PBX4: variants seen among roughly 807,000 people sequenced by gnomAD.
PBX4 encodes PBX homeobox 4, also known as pre-B-cell leukemia transcription factor 4.
A neutral mutation model predicts 35.1 loss-of-function variants in PBX4; 26 were observed. That is an observed-to-expected ratio of 0.74 (90% confidence interval 0.54 to 1.03). The LOEUF is 1.03. Among genes scored for constraint, PBX4 ranks in the 50% least tolerant of loss-of-function variants. The pLI is 0.00. For synonymous variants in PBX4, 199 were observed against 204.2 expected (o/e 0.97, Z 0.22); for missense variants, 448 against 504.3 (o/e 0.89, Z 1.07).
chr19:19,572,786 G>A (rs901009618), intron 2 of PBX4, among the ~76,000 whole-genome samples: 8 of 150,610 alleles, frequency 5.3e-5, no homozygotes, highest in East Asian at 2.0e-4. Flanking sequence ...CCCGGGAGAC[G>A]GAGGTTGCAG....
intron 5 of PBX4, among the ~76,000 whole-genome samples, chr19:19,569,183 G>C (rs9304962): frequency 0.7 from 105,792 of 152,014 alleles, 36,986 homozygotes; most frequent in East Asian, 0.78. Context: ...CTCAGCATCC[G>C]AAGGAGCTGA....
At position 19,589,541 on chromosome 19, in the gene PBX4, G is replaced by A. The variant is rs560448738; in HGVS notation, c.193+9751C>T. The stretch of plus-strand genomic sequence containing the variant: ...TCCCAGCACTTTGGGAGGCCGAGGC[G>A]GGTGGATTACCTGAGGTCAGGAGTT... On this transcript the variant is annotated intron_variant, in intron 2 of 7. Coordinates refer to ENST00000251203, the MANE Select transcript of PBX4 (RefSeq NM_025245.3). 2.6e-5 allele frequency among the ~76,000 whole-genome samples: 4 copies of A among 152,154 alleles called. No homozygotes were observed. The East Asian group carries it at 7.7e-4, about 29-fold the overall frequency.
chr19:19,584,628 T>G (rs1163633913), intron 2 of PBX4, among the ~76,000 whole-genome samples: 7 of 149,980 alleles, frequency 4.7e-5, no homozygotes, highest in Non-Finnish European at 1.0e-4. Flanking sequence ...GGCTGGTTTT[T>G]TTTTTTTTTT....
intron 6 of PBX4, among the ~76,000 whole-genome samples, chr19:19,564,347 AT>A (rs774020875): frequency 6.9e-4 from 105 of 151,678 alleles, no homozygotes; most frequent in Non-Finnish European, 1.4e-3. Flanking sequence ...GCTGCATAGT[AT>A]TCCATGGTGT....
intron 2 of PBX4, among the ~76,000 whole-genome samples, chr19:19,576,432 G>A (rs1034927295): frequency 6.6e-6 from 1 of 151,924 alleles, no homozygotes; most frequent in Non-Finnish European, 1.5e-5. Flanking sequence ...CACCATGTTG[G>A]CCAGGATGAT....
chr19:19,585,033 C>A (rs1270133331), intron 2 of PBX4, among the ~76,000 whole-genome samples: 1 of 152,032 alleles, frequency 6.6e-6, no homozygotes, highest in Non-Finnish European at 1.5e-5. Flanking sequence ...AACTGCCTGG[C>A]TTTACCTTTT....
At position 19,562,461 on chromosome 19, in the gene PBX4, C is replaced by T. The variant is rs546504461; in HGVS notation, c.1033-344G>A. Among the ~76,000 whole-genome samples, 8 of 152,066 alleles carry T rather than the reference C, an allele frequency of 5.3e-5. No homozygotes were observed. The highest frequency in any genetic ancestry group is 7.4e-5 in the Non-Finnish European group (5 of 68,002). Reference sequence around the variant, plus strand: ...AGGTCAGGCCTGGAGCCCATGATGACGCCCGGAGCGTCATGGTGAGACTCG... The same window carrying T: ...AGGTCAGGCCTGGAGCCCATGATGATGCCCGGAGCGTCATGGTGAGACTCG... On this transcript the variant is annotated intron_variant, in intron 7 of 7. Coordinates refer to ENST00000251203, the MANE Select transcript of PBX4 (RefSeq NM_025245.3). The surrounding 1 kb of genome is among the most constrained non-coding windows in gnomAD (Gnocchi z 4.8).
At chr19:19,600,112 A>C (rs1160659585) in intron 1 of PBX4, among the ~76,000 whole-genome samples, 2 of 151,828 alleles carry the variant, frequency 1.3e-5, no homozygotes, top group African/African-American at 4.8e-5. Context: ...ACTGTACTCC[A>C]GCCCAGGCAA....
intron 2 of PBX4, among the ~76,000 whole-genome samples, chr19:19,573,659 T>C (rs942938785): frequency 2.0e-5 from 3 of 152,102 alleles, no homozygotes; most frequent in Non-Finnish European, 4.4e-5. Context: ...CCAAAATAGC[T>C]AATACATGAG....
At chr19:19,570,937 A>C in intron 2 of PBX4, 104 bp from the exon 3 acceptor site, 2 of 1,454,930 alleles carry the variant, frequency 1.4e-6, no homozygotes, top group Non-Finnish European at 1.9e-6. Flanking sequence ...TTTTGCATAG[A>C]ACCCTTCGGG....
intron 2 of PBX4, among the ~76,000 whole-genome samples, chr19:19,575,910 C>A (rs1363389599): frequency 6.6e-6 from 1 of 152,144 alleles, no homozygotes. Flanking sequence ...CACACAGGAC[C>A]CCAGCATGCT....
chr19:19,578,953 T>C (rs530400256), intron 2 of PBX4, among the ~76,000 whole-genome samples: 10 of 152,242 alleles, frequency 6.6e-5, no homozygotes, highest in African/African-American at 1.7e-4. Context: ...GGCGGCCGCC[T>C]ACAAGCCAAG....
At chr19:19,575,084 A>T (rs2061410934) in intron 2 of PBX4, among the ~76,000 whole-genome samples, 1 of 152,004 alleles carries the variant, frequency 6.6e-6, no homozygotes, top group Non-Finnish European at 1.5e-5. Context: ...TACAAAAAAA[A>T]TAATTAGCCA....
intron 1 of PBX4, among the ~76,000 whole-genome samples, chr19:19,612,219 G>A (rs996847641): frequency 6.6e-6 from 1 of 152,162 alleles, no homozygotes; most frequent in African/African-American, 2.4e-5. Flanking sequence ...GAGGGTTGCA[G>A]TGAACTGAGA....
chr19:19,565,211 G>A (rs2061334467), intron 5 of PBX4, 122 bp from the exon 6 acceptor site: 2 of 1,193,202 alleles, frequency 1.7e-6, no homozygotes, highest in Non-Finnish European at 2.4e-6. Flanking sequence ...CTGCACCCTG[G>A]GGCTATGAAG....
intron 1 of PBX4, among the ~76,000 whole-genome samples, chr19:19,599,611 G>C (rs1009993888): frequency 6.6e-6 from 1 of 152,150 alleles, no homozygotes; most frequent in Non-Finnish European, 1.5e-5. Flanking sequence ...GTCGAGGCAG[G>C]TGGATCACTT....
intron 1 of PBX4, among the ~76,000 whole-genome samples, chr19:19,605,034 A>T (rs1375321411): frequency 6.6e-6 from 1 of 152,088 alleles, no homozygotes; most frequent in African/African-American, 2.4e-5. Flanking sequence ...CATCTTCTGG[A>T]AATTTAACTT....
At chr19:19,582,788 C>T (rs1324676591) in intron 2 of PBX4, among the ~76,000 whole-genome samples, 1 of 152,208 alleles carries the variant, frequency 6.6e-6, no homozygotes, top group Non-Finnish European at 1.5e-5. Context: ...CCCACTGGGG[C>T]TTTGGGAGCT....
intron 5 of PBX4, among the ~76,000 whole-genome samples, chr19:19,567,876 C>T (rs1018151956): frequency 2.6e-5 from 4 of 151,712 alleles, no homozygotes; most frequent in Non-Finnish European, 5.9e-5. Context: ...GGAGCTCACA[C>T]TCCATCTGTA....
Sources: gnomAD v4.1 joint callset for allele counts (sites outside exome capture counted in the v4.1 genomes callset) on GRCh38, gnomAD v4.1.1 for gene constraint, Gnocchi (gnomAD v3.1) non-coding constraint, MANE v1.5 for transcripts, NCBI Gene and HGNC (gene_info 2026-07-23, HGNC 2026-07-21) for gene names.